The following GABRB3 variants were observed in gnomAD, a reference collection of about 807,000 sequenced individuals.
GABRB3 encodes the protein gamma-aminobutyric acid type A receptor subunit beta3.
A neutral mutation model predicts 52.1 loss-of-function variants in GABRB3; 14 were observed. The observed-to-expected ratio is 0.27, with a 90% CI of 0.18 to 0.42. The LOEUF (loss-of-function observed/expected upper bound fraction) is 0.42. Among genes scored for constraint, GABRB3 ranks in the 10% least tolerant of loss-of-function variants. The pLI, the probability that GABRB3 is intolerant of heterozygous loss-of-function variation, is 1.00. For missense variants in GABRB3, 307 were observed against 609.1 expected, an observed-to-expected ratio of 0.50 and a Z score of 5.22; for synonymous variants, 260 against 232.3, an observed-to-expected ratio of 1.12 and a Z score of -1.08.
At chr15:26,737,653 G>A (rs756148803) in intron 3 of GABRB3, among the ~76,000 whole-genome samples, 3 of 151,906 alleles carry the variant, frequency 2.0e-5, no homozygotes, top group Non-Finnish European at 4.4e-5. Context: ...GTACAAAAGG[G>A]GATAATGGGG....
At chr15:26,613,673 CAA>C (rs1274424809) in intron 4 of GABRB3, 1 of 151,950 alleles carries the variant, frequency 6.6e-6, no homozygotes, top group African/African-American at 2.4e-5. Context: ...ATTCTTTTCT[CAA>C]AGAGTTTATA....
chr15:26,584,407 C>T (rs1346393609), intron 4 of GABRB3, among the ~76,000 whole-genome samples: 2 of 152,156 alleles, frequency 1.3e-5, no homozygotes, highest in Non-Finnish European at 2.9e-5. Flanking sequence ...CACTTTGGAA[C>T]TCTAAACCTC....
At chr15:26,696,381 C>T (rs1336134008) in intron 3 of GABRB3, among the ~76,000 whole-genome samples, 1 of 148,320 alleles carries the variant, frequency 6.7e-6, no homozygotes, top group East Asian at 2.0e-4. Flanking sequence ...ATTATAATTA[C>T]TGTTATTATT....
rs1257878454 is a variant in GABRB3, at chr15:26,773,008, T to A, written c.-46A>T. ...CGGGGGAGGGGGCGCCCCGCCGCCG[T>A]CGCGACCCGCAGCCGGGGCTGCTCC... On this transcript the variant is annotated 5_prime_UTR_variant, in exon 1 of 9. Transcript: ENST00000311550. The A allele has an allele frequency of 7.7e-7, 1 of 1,303,246 alleles. No homozygotes were observed. The highest frequency in any genetic ancestry group is 9.8e-7 in the Non-Finnish European group (1 of 1,016,592). 80.7% of individuals were successfully genotyped at this position (1,303,246 alleles called of 1,614,324 possible).
At chr15:26,583,656 C>A (rs1243634956) in intron 4 of GABRB3, among the ~76,000 whole-genome samples, 1 of 151,164 alleles carries the variant, frequency 6.6e-6, no homozygotes, top group Non-Finnish European at 1.5e-5. Context: ...TATTTTTAAT[C>A]ATTTATTTTT....
At chr15:26,570,413 C>T (rs945557730) in intron 6 of GABRB3, among the ~76,000 whole-genome samples, 1 of 152,188 alleles carries the variant, frequency 6.6e-6, no homozygotes, top group Non-Finnish European at 1.5e-5. Flanking sequence ...TCGCGGGCCT[C>T]GCCCTCCTGG....
In GABRB3 at chr15:26,552,515, T is replaced by C. The variant is rs566999397; in HGVS notation, c.1081-4381A>G. Among the ~76,000 whole-genome samples, 7 of 152,274 alleles carry C rather than the reference T, an allele frequency of 4.6e-5. No individual in the cohort carries two copies. The South Asian group carries it at 1.5e-3, about 32-fold the overall frequency. ...TGGCTGAAACAGGTGCCCATGGCAG[T>C]AGCATGTCCCTTGTGCAGGCCACCT... On this transcript the variant is annotated intron_variant, in intron 8 of 8. Coordinates refer to ENST00000311550, the MANE Select transcript of GABRB3 (RefSeq NM_000814.6).
At chr15:26,727,487 A>G (rs1889804975) in intron 3 of GABRB3, among the ~76,000 whole-genome samples, 1 of 152,212 alleles carries the variant, frequency 6.6e-6, no homozygotes, top group African/African-American at 2.4e-5. Context: ...TGCTGTTTCA[A>G]TAGACTCCCA....
intron 6 of GABRB3, among the ~76,000 whole-genome samples, chr15:26,568,504 T>TC (rs756622081): frequency 4.9e-5 from 5 of 101,496 alleles, no homozygotes; most frequent in Non-Finnish European, 1.3e-4. Context: ...TCCTTTCTTT[T>TC]TTTTTTTTTT....
intron 3 of GABRB3, among the ~76,000 whole-genome samples, chr15:26,682,335 A>T (rs1349272102): frequency 1.3e-5 from 2 of 152,212 alleles, no homozygotes; most frequent in Admixed American, 6.5e-5. Context: ...ATACTGAAGG[A>T]AAATGCCCGG....
At chr15:26,661,055 G>C (rs1309059052) in intron 3 of GABRB3, among the ~76,000 whole-genome samples, 2 of 151,860 alleles carry the variant, frequency 1.3e-5, no homozygotes, top group Admixed American at 6.6e-5. Flanking sequence ...CAAAATCCTG[G>C]GATGACAGGT....
At chr15:26,745,911 C>A (rs995957472) in intron 3 of GABRB3, among the ~76,000 whole-genome samples, 32 of 152,064 alleles carry the variant, frequency 2.1e-4, no homozygotes, top group African/African-American at 7.2e-4. Context: ...TGTGAACATT[C>A]GTTTATAGGT....
intron 3 of GABRB3, among the ~76,000 whole-genome samples, chr15:26,709,034 G>A (rs940684953): frequency 3.9e-5 from 6 of 152,114 alleles, no homozygotes; most frequent in Non-Finnish European, 5.9e-5. Flanking sequence ...AGATCATATG[G>A]ATATATTTTT....
In GABRB3 at chr15:26,646,968, C is replaced by T. The variant is rs182123595; in HGVS notation, c.241-25434G>A. On this transcript the variant is annotated intron_variant, in intron 3 of 8. Transcript: ENST00000311550. ...ACGCCATTCTCCTGCCTCAGCCTCCCGAGTAGCTGGGACTACAGGCACCTG... is the reference window on the plus strand; with the variant it reads ...ACGCCATTCTCCTGCCTCAGCCTCCTGAGTAGCTGGGACTACAGGCACCTG... Among the ~76,000 whole-genome samples, 148 of 152,222 alleles carry T rather than the reference C, an allele frequency of 9.7e-4. 1 individual carries two copies. Among genetic ancestry groups the T allele is most frequent in the African/African-American group, 3.4e-3 (142 of 41,552 alleles).
intron 3 of GABRB3, among the ~76,000 whole-genome samples, chr15:26,710,236 G>A (rs772537533): frequency 6.6e-5 from 10 of 151,914 alleles, no homozygotes; most frequent in African/African-American, 1.9e-4. Context: ...CACAGAAATC[G>A]TGTGGCATAT....
chr15:26,588,837 C>T lies in GABRB3; in HGVS notation c.462-5423G>A, dbSNP rs565980379. Among the ~76,000 whole-genome samples, 7 of 152,246 alleles carry T rather than the reference C, an allele frequency of 4.6e-5. No individual in the cohort carries two copies. In the East Asian group the frequency reaches 1.2e-3, roughly 25 times the overall value. On this transcript the variant is annotated intron_variant, in intron 4 of 8. Coordinates refer to ENST00000311550, the MANE Select transcript of GABRB3 (RefSeq NM_000814.6). ...GACATTTAATCCAACAGCTTCCCAC[C>T]CATTGTGGAATAGGGTCATTTATTA...
intron 6 of GABRB3, among the ~76,000 whole-genome samples, chr15:26,576,185 G>A (rs982845221): frequency 4.6e-5 from 7 of 152,166 alleles, no homozygotes; most frequent in South Asian, 2.1e-4. Context: ...ACCTGATCCC[G>A]TAATCTGTCT....
chr15:26,688,418 T>C (rs1888474868), intron 3 of GABRB3, among the ~76,000 whole-genome samples: 1 of 152,184 alleles, frequency 6.6e-6, no homozygotes, highest in Non-Finnish European at 1.5e-5. Context: ...CATTTTACAA[T>C]TATCTGTCCA....
rs773067819 is a variant in GABRB3, at chr15:26,772,483, A to G, written c.173-14T>C. ...AGACCGGGGGACCTGCGGGAAGCAC[A>G]GGACACGGCGATCAGCCCAGCTCCG... On this transcript the variant is annotated splice_polypyrimidine_tract_variant and intron_variant, in intron 2 of 8. Transcript: ENST00000311550. 1.2e-6 allele frequency: 2 copies of G among 1,608,960 alleles called. No homozygotes were observed. Among genetic ancestry groups the G allele is most frequent in the African/African-American group, 1.3e-5 (1 of 74,886 alleles).
Sources: allele counts gnomAD v4.1 joint callset (sites outside exome capture counted in the v4.1 genomes callset), GRCh38; gene constraint gnomAD v4.1.1; transcripts MANE v1.5; gene names NCBI Gene and HGNC (gene_info 2026-07-23, HGNC 2026-07-21).